Variants in NCALD observed in about 807,000 individuals in gnomAD.
The protein encoded by NCALD is neurocalcin delta.
NCALD carries 10 observed loss-of-function variants against 18.6 expected under a neutral mutation model. That is an observed-to-expected ratio of 0.54 (90% CI 0.33 to 0.91). The LOEUF (loss-of-function observed/expected upper bound fraction) is 0.91, where lower values mean the gene tolerates loss of function less well. NCALD is among the 40% of genes least tolerant of loss of function. NCALD has a pLI of 0.03. For synonymous variants in NCALD, 88 were observed against 87.4 expected (o/e 1.01, Z -0.04); for missense variants, 184 against 247.6 (o/e 0.74, Z 1.72).
chr8:101,725,980 C>T lies in NCALD; in HGVS notation c.-19-6332G>A, dbSNP rs147443675. Among the ~76,000 whole-genome samples, 10 of 152,252 alleles carry T rather than the reference C, an allele frequency of 6.6e-5. No homozygotes were observed. The East Asian group carries it at 1.9e-3, about 29-fold the overall frequency. ...AGGGAAAGCCCCACTGAGAAAGCAA[C>T]ACTGGGAAAAGACCAGAGGAAGTGA... On this transcript the variant is annotated intron_variant, in intron 1 of 3. Transcript: ENST00000220931.
chr8:101,890,755 G>C (rs753723103), intron 3 of NCALD, among the ~76,000 whole-genome samples: 6 of 152,162 alleles, frequency 3.9e-5, no homozygotes, highest in Non-Finnish European at 8.8e-5. Context: ...ATTTCTATTA[G>C]TTATAAATTA....
At chr8:102,005,286 T>G (rs1331965519) in intron 2 of NCALD, among the ~76,000 whole-genome samples, 1 of 152,236 alleles carries the variant, frequency 6.6e-6, no homozygotes, top group Non-Finnish European at 1.5e-5. Context: ...ATGCTCATCA[T>G]TACTGGCCAT....
intron 2 of NCALD, among the ~76,000 whole-genome samples, chr8:101,979,342 T>C (rs1820533241): frequency 6.6e-6 from 1 of 152,226 alleles, no homozygotes; most frequent in South Asian, 2.1e-4. Flanking sequence ...TTCATTACAC[T>C]GTTCATTGCA....
intron 1 of NCALD, among the ~76,000 whole-genome samples, chr8:102,042,938 T>C (rs936269284): frequency 6.6e-6 from 1 of 151,874 alleles, no homozygotes; most frequent in African/African-American, 2.4e-5. Context: ...TCAAAACTTC[T>C]GGCTCCCCTT....
At chr8:101,735,476 C>G (rs1817035163) in intron 1 of NCALD, among the ~76,000 whole-genome samples, 1 of 150,998 alleles carries the variant, frequency 6.6e-6, no homozygotes, top group Non-Finnish European at 1.5e-5. Context: ...CCAGCCTCCC[C>G]TCTCAGGTCT....
rs941746410 is a variant in NCALD, at chr8:101,899,769, CTATT to C, written c.-106-12546_-106-12543del. Among the ~76,000 whole-genome samples, 9 of 151,982 alleles carry C rather than the reference CTATT, an allele frequency of 5.9e-5. No homozygotes were observed. The East Asian group carries it at 1.3e-3, about 23-fold the overall frequency. On this transcript the variant is annotated intron_variant, in intron 3 of 6. Transcript: ENST00000311028. ...AATTACCTTTATATATTACTGAACA[CTATT>C]TATCAATATTTTTAGGATTCTCACA...
At chr8:101,908,911 G>A (rs1333051813) in intron 3 of NCALD, among the ~76,000 whole-genome samples, 2 of 152,146 alleles carry the variant, frequency 1.3e-5, no homozygotes, top group Non-Finnish European at 1.5e-5. Flanking sequence ...GGAGTCACTT[G>A]TGCTAAGTGC....
chr8:101,693,677 G>C (rs774530126), intron 2 of NCALD: 35 of 152,152 alleles, frequency 2.3e-4, no homozygotes, highest in Non-Finnish European at 4.3e-4. Context: ...ACATTCTTCA[G>C]GCTAGAGAGG....
chr8:101,721,817 G>A (rs2130472172), intron 1 of NCALD, among the ~76,000 whole-genome samples: 1 of 151,354 alleles, frequency 6.6e-6, no homozygotes, highest in South Asian at 2.1e-4. Context: ...ATGGCCAACT[G>A]CTGTAGGAAG....
At chr8:101,976,904 C>CTCT (rs1399884710) in intron 2 of NCALD, among the ~76,000 whole-genome samples, 1 of 152,160 alleles carries the variant, frequency 6.6e-6, no homozygotes, top group African/African-American at 2.4e-5. Flanking sequence ...ATGAGAGCAT[C>CTCT]CAAGGCAAAG....
At chr8:101,947,856 T>A (rs1049568910) in intron 2 of NCALD, among the ~76,000 whole-genome samples, 1 of 152,154 alleles carries the variant, frequency 6.6e-6, no homozygotes, top group African/African-American at 2.4e-5. Flanking sequence ...TTAAGACTGT[T>A]CTAGGCAAAA....
chr8:101,812,793 C>CAATT (rs1216402820), intron 4 of NCALD, among the ~76,000 whole-genome samples: 2 of 152,178 alleles, frequency 1.3e-5, no homozygotes, highest in Non-Finnish European at 2.9e-5. Flanking sequence ...GTAGTTCCTA[C>CAATT]AATTCCTCTT....
At chr8:101,885,567 C>T (rs1445467456) in intron 4 of NCALD, among the ~76,000 whole-genome samples, 1 of 152,224 alleles carries the variant, frequency 6.6e-6, no homozygotes, top group African/African-American at 2.4e-5. Context: ...TCATCCAAAT[C>T]ATCCTCGTTT....
At chr8:101,983,979 C>T (rs1820714187) in intron 2 of NCALD, among the ~76,000 whole-genome samples, 1 of 152,186 alleles carries the variant, frequency 6.6e-6, no homozygotes, top group African/African-American at 2.4e-5. Flanking sequence ...CATGCTGACA[C>T]TTTTGTAAAT....
intron 1 of NCALD, among the ~76,000 whole-genome samples, chr8:102,048,450 A>C (rs1422462724): frequency 6.6e-6 from 1 of 151,962 alleles, no homozygotes; most frequent in East Asian, 1.9e-4. Flanking sequence ...GCTGCTGACC[A>C]CTCAGAGACT....
At chr8:101,894,861 G>T (rs558761566) in intron 3 of NCALD, among the ~76,000 whole-genome samples, 1 of 150,038 alleles carries the variant, frequency 6.7e-6, no homozygotes, top group African/African-American at 2.5e-5. Flanking sequence ...TGAAATTGTG[G>T]CAATAATCAA....
At chr8:102,102,787 G>C (rs911388044) in intron 1 of NCALD, among the ~76,000 whole-genome samples, 1 of 152,080 alleles carries the variant, frequency 6.6e-6, no homozygotes, top group Non-Finnish European at 1.5e-5. Context: ...AAGATCAAGG[G>C]AGAGGAGAGA....
At chr8:101,838,954 A>G (rs1814527731) in intron 4 of NCALD, among the ~76,000 whole-genome samples, 1 of 152,244 alleles carries the variant, frequency 6.6e-6, no homozygotes, top group African/African-American at 2.4e-5. Flanking sequence ...CAGCATTTAT[A>G]GGGTTATGTT....
chr8:101,768,258 C>T (rs1277313406), intron 1 of NCALD, among the ~76,000 whole-genome samples: 1 of 152,220 alleles, frequency 6.6e-6, no homozygotes, highest in African/African-American at 2.4e-5. Context: ...AAATTTCCCT[C>T]AGACAGAGCA....
Sources: gnomAD v4.1 joint callset for allele counts (sites outside exome capture counted in the v4.1 genomes callset) on GRCh38, gnomAD v4.1.1 for gene constraint, MANE v1.5 for transcripts, NCBI Gene and HGNC (gene_info 2026-07-23, HGNC 2026-07-21) for gene names.